The following TNNI3K variants were observed in gnomAD, a reference collection of about 807,000 sequenced individuals.
The protein encoded by TNNI3K is serine/threonine-protein kinase TNNI3K.
TNNI3K carries 140 observed loss-of-function variants against 114.5 expected under a neutral mutation model. That is an observed-to-expected ratio of 1.22 (90% CI 1.07 to 1.41). TNNI3K has a LOEUF of 1.41. TNNI3K is among the 40% of genes most tolerant of loss of function. TNNI3K has a pLI of 0.00. For synonymous variants in TNNI3K, 347 were observed against 347.5 expected, an observed-to-expected ratio of 1.00 and a Z score of 0.02; for missense variants, 1,125 against 1,007.6, an observed-to-expected ratio of 1.12 and a Z score of -1.58.
intron 23 of TNNI3K, among the ~76,000 whole-genome samples, chr1:74,501,303 T>C (rs1669612441): frequency 6.6e-6 from 1 of 152,238 alleles, no homozygotes; most frequent in Non-Finnish European, 1.5e-5. Context: ...TTCTAATTTA[T>C]ATTCCAGTTC....
At chr1:74,471,981 A>G (rs1570664572) in intron 21 of TNNI3K, 3 of 628,758 alleles carry the variant, frequency 4.8e-6, no homozygotes, top group East Asian at 2.8e-5. Flanking sequence ...ATTTTGATCT[A>G]TTTTTTTGTA....
intron 23 of TNNI3K, among the ~76,000 whole-genome samples, chr1:74,503,730 G>A (rs936394877): frequency 1.3e-5 from 2 of 152,196 alleles, no homozygotes; most frequent in Non-Finnish European, 2.9e-5. Context: ...CAAGTGCCAC[G>A]ATGCCTATCA....
chr1:74,340,576 G>T (rs1660701789), intron 7 of TNNI3K, among the ~76,000 whole-genome samples: 1 of 152,102 alleles, frequency 6.6e-6, no homozygotes, highest in South Asian at 2.1e-4. Flanking sequence ...TAATGTTTCA[G>T]CCACTGTGGA....
chr1:74,289,740 C>T (rs1453069159), intron 5 of TNNI3K, among the ~76,000 whole-genome samples: 1 of 151,878 alleles, frequency 6.6e-6, no homozygotes, highest in Non-Finnish European at 1.5e-5. Flanking sequence ...GCTGTTTCTC[C>T]CCCTAACCTC....
At chr1:74,252,094 T>C (rs1654962646) in intron 4 of TNNI3K, among the ~76,000 whole-genome samples, 1 of 152,214 alleles carries the variant, frequency 6.6e-6, no homozygotes, top group South Asian at 2.1e-4. Context: ...CCATGAATTC[T>C]GAACCTCACC....
At chr1:74,413,432 A>T (rs572483364) in intron 17 of TNNI3K, among the ~76,000 whole-genome samples, 2 of 152,192 alleles carry the variant, frequency 1.3e-5, no homozygotes, top group East Asian at 1.9e-4. Flanking sequence ...ATTGTTTCTG[A>T]AATAGTGGTA....
At chr1:74,308,535 T>C (rs1658787183) in intron 5 of TNNI3K, among the ~76,000 whole-genome samples, 1 of 152,150 alleles carries the variant, frequency 6.6e-6, no homozygotes, top group African/African-American at 2.4e-5. Flanking sequence ...TTTATACTGG[T>C]AAATGCCTAC....
intron 11 of TNNI3K, among the ~76,000 whole-genome samples, chr1:74,358,072 G>A (rs78152398): frequency 9.5e-4 from 145 of 152,270 alleles, no homozygotes; most frequent in East Asian, 7.7e-3. Context: ...TCAATAGTGT[G>A]TCTGGCAGTT....
At chr1:74,375,440 A>G (rs1038102598) in intron 17 of TNNI3K, 5 of 388,960 alleles carry the variant, frequency 1.3e-5, no homozygotes, top group South Asian at 5.5e-5. Context: ...ATTAGCCACA[A>G]GATTAGAAAT....
intron 23 of TNNI3K, among the ~76,000 whole-genome samples, chr1:74,504,431 C>A (rs916142697): frequency 3.9e-5 from 6 of 152,152 alleles, no homozygotes; most frequent in African/African-American, 1.4e-4. Context: ...AGGTGTGCAG[C>A]CTCAAAGTTG....
At chr1:74,238,886 T>G (rs1229123279) in intron 2 of TNNI3K, among the ~76,000 whole-genome samples, 1 of 152,054 alleles carries the variant, frequency 6.6e-6, no homozygotes, top group East Asian at 1.9e-4. Context: ...TAGTACTTGC[T>G]AAAATTTTCG....
chr1:74,519,294 T>C (rs1188901899), intron 23 of TNNI3K, among the ~76,000 whole-genome samples: 1 of 85,912 alleles, frequency 1.2e-5, no homozygotes, highest in Non-Finnish European at 2.1e-5. Flanking sequence ...GTTGGACATT[T>C]GGGTTGGTTC....
chr1:74,420,172 C>T (rs1214342065), intron 17 of TNNI3K, among the ~76,000 whole-genome samples: 1 of 151,940 alleles, frequency 6.6e-6, no homozygotes, highest in African/African-American at 2.4e-5. Flanking sequence ...TAGAAATCTG[C>T]GTAGTAAAAG....
intron 4 of TNNI3K, among the ~76,000 whole-genome samples, chr1:74,256,261 T>TCCGGCAC (rs1655289523): frequency 6.9e-6 from 1 of 145,302 alleles, no homozygotes; most frequent in Admixed American, 6.9e-5. Context: ...TCACATCCTT[T>TCCGGCAC]CCGGCACTTG....
intron 21 of TNNI3K, among the ~76,000 whole-genome samples, chr1:74,475,975 A>T (rs1318794086): frequency 2.0e-5 from 3 of 152,178 alleles, no homozygotes; most frequent in Non-Finnish European, 4.4e-5. Context: ...AGAGGCTACC[A>T]TTGACATTGT....
At chr1:74,475,510 A>C in intron 21 of TNNI3K, 3 of 716,722 alleles carry the variant, frequency 4.2e-6, no homozygotes, top group Non-Finnish European at 7.8e-6. Flanking sequence ...TTTCTTTTTC[A>C]GGTTTCTAAA....
intron 21 of TNNI3K, chr1:74,472,206 G>A: frequency 1.4e-6 from 1 of 715,916 alleles, no homozygotes; most frequent in Non-Finnish European, 2.6e-6. Context: ...TGATATCTGT[G>A]GAACAATAAA....
chr1:74,325,379 G>A (rs1659840653), intron 5 of TNNI3K, among the ~76,000 whole-genome samples: 1 of 152,110 alleles, frequency 6.6e-6, no homozygotes, highest in Non-Finnish European at 1.5e-5. Context: ...ATGTCTAGCT[G>A]TCCCATAGGG....
chr1:74,273,425 A>T (rs1445719477), intron 5 of TNNI3K, among the ~76,000 whole-genome samples: 1 of 151,990 alleles, frequency 6.6e-6, no homozygotes, highest in Non-Finnish European at 1.5e-5. Context: ...ACATTAAGGG[A>T]TCTGGGTGAA....
Sources: allele counts gnomAD v4.1 joint callset (sites outside exome capture counted in the v4.1 genomes callset), GRCh38; gene constraint gnomAD v4.1.1; transcripts MANE v1.5; gene names NCBI Gene and HGNC (gene_info 2026-07-23, HGNC 2026-07-21).